DLGAP5: variants seen among roughly 807,000 people sequenced by gnomAD.
DLGAP5 encodes the protein disks large-associated protein 5.
In DLGAP5, 90 loss-of-function variants were observed where a neutral mutation model predicts 99.6. The ratio of observed to expected loss-of-function variants is 0.90; its 90% CI spans 0.76 to 1.08. The LOEUF (loss-of-function observed/expected upper bound fraction) is 1.08, where lower values mean the gene tolerates loss of function less well. Among genes scored for constraint, DLGAP5 ranks in the 50% least tolerant of loss-of-function variants. DLGAP5 has a pLI of 0.00. For synonymous variants in DLGAP5, 311 were observed against 321.3 expected (o/e 0.97, Z 0.34); for missense variants, 1,036 against 983.5 (o/e 1.05, Z -0.71).
Position 55,167,787 on chromosome 14 carries a change from T to C in DLGAP5, c.1548+1612A>G, listed in dbSNP as rs954358523. ...CCTCAGAATTTTCAGAGTATTGTTC[T>C]AGTTCATAATATTGCTGTTGAGAGA... is the stretch of plus-strand genomic sequence containing the variant. On this transcript the variant is annotated intron_variant, in intron 12 of 18. Coordinates refer to ENST00000247191, the MANE Select transcript of DLGAP5 (RefSeq NM_014750.5). Among the ~76,000 whole-genome samples the C allele has an allele frequency of 2.6e-5, 4 of 152,250 alleles. No individual in the cohort carries two copies. The East Asian group carries it at 7.7e-4, about 29-fold the overall frequency.
chr14:55,156,543 T>C (rs556066063), intron 14 of DLGAP5, among the ~76,000 whole-genome samples: 3 of 152,246 alleles, frequency 2.0e-5, no homozygotes, highest in Admixed American at 1.3e-4. Context: ...CAGTGATGTG[T>C]AGGTTCCCAG....
chr14:55,175,579 A>T, intron 9 of DLGAP5, 107 bp from the exon 10 acceptor site: 1 of 775,942 alleles, frequency 1.3e-6, no homozygotes, highest in African/African-American at 1.8e-5. Flanking sequence ...TAATTTTAAA[A>T]TTTTATTTCT....
intron 14 of DLGAP5, among the ~76,000 whole-genome samples, chr14:55,155,892 T>C (rs1250632579): frequency 1.3e-5 from 2 of 151,266 alleles, no homozygotes; most frequent in African/African-American, 4.9e-5. Flanking sequence ...ATCGAGACCA[T>C]CCTGGCTAAC....
intron 12 of DLGAP5, among the ~76,000 whole-genome samples, chr14:55,164,119 A>C (rs1046489899): frequency 2.0e-5 from 3 of 152,140 alleles, no homozygotes; most frequent in African/African-American, 7.2e-5. Context: ...CCATGCTTTT[A>C]GTCTCCATGC....
chr14:55,178,122 G>C (rs1315635236), intron 7 of DLGAP5, among the ~76,000 whole-genome samples: 1 of 151,414 alleles, frequency 6.6e-6, no homozygotes, highest in African/African-American at 2.4e-5. Flanking sequence ...CGTGGTGGCA[G>C]GCGCCTATAG....
chr14:55,163,558 C>G (rs565468602), intron 12 of DLGAP5, among the ~76,000 whole-genome samples: 1 of 152,166 alleles, frequency 6.6e-6, no homozygotes, highest in African/African-American at 2.4e-5. Flanking sequence ...ATTGCTAGAT[C>G]GTATGGTAGG....
chr14:55,187,646 G>A (rs1263340714), intron 2 of DLGAP5, among the ~76,000 whole-genome samples: 1 of 148,536 alleles, frequency 6.7e-6, no homozygotes, highest in African/African-American at 2.5e-5. Flanking sequence ...TTTTTTAGGA[G>A]ACAGGATCTC....
chr14:55,175,906 CAGTT>C lies in DLGAP5; in HGVS notation c.1158_1161del (p.Thr387PhefsTer8), dbSNP rs753966935. On this transcript the variant is annotated frameshift_variant, in exon 9 of 19. Coordinates refer to ENST00000247191, the MANE Select transcript of DLGAP5 (RefSeq NM_014750.5). LOFTEE classifies it high-confidence loss of function. ...TTAAATACTATACCTTCATGCCAAACAGTTAGAGGACCCAAAGGACATGGCAATT... is the reference window on the plus strand; with the variant it reads ...TTAAATACTATACCTTCATGCCAAACAGAGGACCCAAAGGACATGGCAATT... 11 of 1,596,334 alleles carry C rather than the reference CAGTT, an allele frequency of 6.9e-6. No individual in the cohort carries two copies. In the African/African-American group the frequency reaches 9.4e-5, roughly 14 times the overall value.
At chr14:55,159,148 A>G (rs1158907831) in intron 13 of DLGAP5, among the ~76,000 whole-genome samples, 1 of 152,164 alleles carries the variant, frequency 6.6e-6, no homozygotes, top group Non-Finnish European at 1.5e-5. Flanking sequence ...TTCAGGCATC[A>G]GGAAAGGTTG....
chr14:55,185,164 T>C (rs1883390757), intron 2 of DLGAP5, among the ~76,000 whole-genome samples: 1 of 152,176 alleles, frequency 6.6e-6, no homozygotes, highest in Non-Finnish European at 1.5e-5. Context: ...GCAAAATTCT[T>C]CAAGAGAGTT....
chr14:55,162,095 C>T (rs1377554418), intron 13 of DLGAP5, among the ~76,000 whole-genome samples: 1 of 151,720 alleles, frequency 6.6e-6, no homozygotes, highest in Non-Finnish European at 1.5e-5. Flanking sequence ...AGTGTCCACC[C>T]AAACCAAAAA....
At chr14:55,186,877 T>C (rs776864311) in intron 2 of DLGAP5, among the ~76,000 whole-genome samples, 73 of 152,252 alleles carry the variant, frequency 4.8e-4, no homozygotes, top group Non-Finnish European at 8.7e-4. Context: ...TCCTCTTACA[T>C]TACTTTGCAT....
At chr14:55,156,350 G>A (rs1224589419) in intron 14 of DLGAP5, among the ~76,000 whole-genome samples, 2 of 152,184 alleles carry the variant, frequency 1.3e-5, no homozygotes, top group African/African-American at 4.8e-5. Flanking sequence ...ACAGTTGAGA[G>A]ACAGGGTACT....
intron 12 of DLGAP5, among the ~76,000 whole-genome samples, chr14:55,167,698 A>C (rs72718813): frequency 0.012 from 1,813 of 152,252 alleles, 15 homozygotes; most frequent in Middle Eastern, 0.027. Context: ...TGTGTCTGAA[A>C]ATTGCCTTTC....
rs141357820 is a variant in DLGAP5, at chr14:55,182,387, G to T, written c.478C>A (p.Gln160Lys). Reference sequence around the variant, plus strand: ...AACTATACCTTAGTCTGCTCCATTTGGTCTTTGGCCTTTGACCTTGTAATC... The same window carrying T: ...AACTATACCTTAGTCTGCTCCATTTTGTCTTTGGCCTTTGACCTTGTAATC... ...VRITRSKAKD[Q>K]MEQTKIDNES... The change falls in exon 4 of 19, where the codon CAA (glutamine) becomes AAA (lysine). Residue 160 changes from glutamine (Q) to lysine (K), a missense_variant. Coordinates refer to ENST00000247191, the MANE Select transcript of DLGAP5 (RefSeq NM_014750.5). The T allele has an allele frequency of 8.1e-6, 13 of 1,612,492 alleles. No homozygotes were observed. The highest frequency in any genetic ancestry group is 5.3e-5 in the African/African-American group (4 of 74,930).
At chr14:55,148,576 G>A (rs546850679) in intron 18 of DLGAP5, 103 bp from the exon 19 acceptor site, 416 of 1,573,644 alleles carry the variant, frequency 2.6e-4, no homozygotes, top group Non-Finnish European at 3.5e-4. Context: ...AAAATAAACC[G>A]GGTGCGGTGG....
chr14:55,167,075 C>T (rs1566499641), intron 12 of DLGAP5, among the ~76,000 whole-genome samples: 1 of 151,540 alleles, frequency 6.6e-6, no homozygotes, highest in East Asian at 2.0e-4. Flanking sequence ...ACCAACATGG[C>T]GAACCCCATC....
chr14:55,148,799 GTTT>G (rs902725631), intron 18 of DLGAP5: 3 of 357,762 alleles, frequency 8.4e-6, no homozygotes, highest in Admixed American at 4.4e-5. Context: ...GTATATTACA[GTTT>G]TTTTTATTGG....
chr14:55,162,006 C>T (rs940485168), intron 13 of DLGAP5, among the ~76,000 whole-genome samples: 31 of 149,826 alleles, frequency 2.1e-4, no homozygotes, highest in Admixed American at 4.7e-4. Context: ...AATAAAATAC[C>T]AATCTAGACA....
Sources: gnomAD v4.1 joint callset for allele counts (sites outside exome capture counted in the v4.1 genomes callset) on GRCh38, gnomAD v4.1.1 for gene constraint, MANE v1.5 for transcripts, NCBI Gene and HGNC (gene_info 2026-07-23, HGNC 2026-07-21) for gene names.